The following ST8SIA1 variants were observed in gnomAD, a reference collection of about 807,000 sequenced individuals.
The protein encoded by ST8SIA1 is alpha-N-acetylneuraminide alpha-2,8-sialyltransferase.
Under a neutral mutation model 35.9 loss-of-function variants are expected in ST8SIA1, and 16 were observed. The ratio of observed to expected loss-of-function variants is 0.45; its 90% CI spans 0.30 to 0.68. The LOEUF (loss-of-function observed/expected upper bound fraction) is 0.68, where lower values mean the gene tolerates loss of function less well. Among genes scored for constraint, ST8SIA1 ranks in the 30% least tolerant of loss-of-function variants. The pLI is 0.09. For missense variants in ST8SIA1, 383 were observed against 453.6 expected (o/e 0.84, Z 1.41); for synonymous variants, 170 against 169.6 (o/e 1.00, Z -0.02).
chr12:22,306,711 C>T (rs1866387829), intron 1 of ST8SIA1, among the ~76,000 whole-genome samples: 2 of 152,098 alleles, frequency 1.3e-5, no homozygotes, highest in Non-Finnish European at 2.9e-5. Flanking sequence ...TTGTGCTGGA[C>T]ACTTGGTGTT....
Position 22,289,638 on chromosome 12 carries a change from G to A in ST8SIA1, c.237-2345C>T, listed in dbSNP as rs148420409. Among the ~76,000 whole-genome samples the A allele has an allele frequency of 2.1e-3, 312 of 152,190 alleles. 2 individuals are homozygous for A. The highest frequency in any genetic ancestry group is 0.012 in the South Asian group (56 of 4,816). ...GGTCACGTAACTAGGGAAACGGTGG[G>A]GCAGGGCTTTGCTTCCAGGTCTTTG... On this transcript the variant is annotated intron_variant, in intron 1 of 4. Transcript: ENST00000396037.
chr12:22,219,569 G>A lies in ST8SIA1; in HGVS notation c.585-17531C>T, dbSNP rs572938576. 5.3e-5 allele frequency among the ~76,000 whole-genome samples: 8 copies of A among 152,212 alleles called. No homozygotes were observed. In the South Asian group the frequency reaches 8.3e-4, roughly 16 times the overall value. ...CACCTTGCCTTTGGTTAGGTGACCC[G>A]GCAGGTTGATTGTTGTCTACCACAA... is the stretch of plus-strand genomic sequence containing the variant. On this transcript the variant is annotated intron_variant, in intron 4 of 4. Coordinates refer to ENST00000396037, the MANE Select transcript of ST8SIA1 (RefSeq NM_003034.4).
At chr12:22,271,995 G>A (rs907260334) in intron 2 of ST8SIA1, among the ~76,000 whole-genome samples, 1 of 151,984 alleles carries the variant, frequency 6.6e-6, no homozygotes, top group African/African-American at 2.4e-5. Context: ...TTTCCCCAAA[G>A]GTTTCCTGGC....
Position 22,286,446 on chromosome 12 carries a change from TG to T in ST8SIA1, c.381+702del. 3.9e-6 allele frequency: 2 copies of T among 518,970 alleles called. 1 individual carries two copies. The highest frequency in any genetic ancestry group is 2.8e-5 in the South Asian group (2 of 71,580). 32.1% of individuals were successfully genotyped at this position (518,970 alleles called of 1,614,324 possible). On this transcript the variant is annotated intron_variant, in intron 2 of 4. Transcript: ENST00000396037. ...AACCAAGGGTGGCTAAAAGATGTCT[TG>T]GGGAGGCCATGATTCATTTCTGAAT...
At chr12:22,207,758 G>C (rs1865129345) in intron 4 of ST8SIA1, among the ~76,000 whole-genome samples, 1 of 151,952 alleles carries the variant, frequency 6.6e-6, no homozygotes, top group Non-Finnish European at 1.5e-5. Context: ...AAAATATATA[G>C]CATAAACCAA....
intron 4 of ST8SIA1, among the ~76,000 whole-genome samples, chr12:22,212,856 G>A (rs562252410): frequency 1.1e-3 from 160 of 152,288 alleles, no homozygotes; most frequent in Middle Eastern, 3.4e-3. Flanking sequence ...ACCAGCCATT[G>A]TTCCCTAGAT....
intron 1 of ST8SIA1, among the ~76,000 whole-genome samples, chr12:22,295,552 G>A (rs1021662616): frequency 2.0e-5 from 3 of 151,936 alleles, no homozygotes; most frequent in Admixed American, 6.6e-5. Context: ...GGGCAACATG[G>A]TGAAACCCTG....
chr12:22,215,820 A>G (rs756729951), intron 4 of ST8SIA1, among the ~76,000 whole-genome samples: 9 of 152,180 alleles, frequency 5.9e-5, no homozygotes, highest in Admixed American at 2.0e-4. Context: ...TTACAGTGTT[A>G]CAGGCTGAGC....
At chr12:22,236,094 G>A (rs1338355300) in intron 4 of ST8SIA1, among the ~76,000 whole-genome samples, 1 of 152,106 alleles carries the variant, frequency 6.6e-6, no homozygotes, top group Non-Finnish European at 1.5e-5. Flanking sequence ...TAGCCAACAT[G>A]CCTAAGTTTC....
At chr12:22,250,962 C>T (rs1282673668) in intron 3 of ST8SIA1, among the ~76,000 whole-genome samples, 2 of 152,098 alleles carry the variant, frequency 1.3e-5, no homozygotes, top group African/African-American at 2.4e-5. Context: ...TTGAAGTATC[C>T]ACAGTCAAGT....
At chr12:22,268,484 T>C (rs1565582438) in intron 2 of ST8SIA1, 1 of 152,178 alleles carries the variant, frequency 6.6e-6, no homozygotes, top group Non-Finnish European at 1.5e-5. Context: ...GTGGGTAATT[T>C]ATAAAGAAAG....
chr12:22,282,862 G>A (rs995825397), intron 2 of ST8SIA1, among the ~76,000 whole-genome samples: 10 of 151,902 alleles, frequency 6.6e-5, no homozygotes, highest in African/African-American at 2.4e-4. Context: ...ATATGAATAA[G>A]TGGAAAAAAC....
intron 1 of ST8SIA1, among the ~76,000 whole-genome samples, chr12:22,308,834 A>G (rs1281576815): frequency 6.6e-6 from 1 of 152,056 alleles, no homozygotes; most frequent in Non-Finnish European, 1.5e-5. Context: ...CACATCCTAC[A>G]TATCATCAAC....
chr12:22,321,027 AAAGAAAGAGAAAGAG>A (rs1565596087), intron 1 of ST8SIA1, among the ~76,000 whole-genome samples: 1,407 of 91,768 alleles, frequency 0.015, 18 homozygotes, highest in African/African-American at 0.029. Context: ...AGAAAGAAAG[AAAGAAAGAGAAAGAG>A]AAAGAAAAGA....
Position 22,198,425 on chromosome 12 carries a change from A to G in ST8SIA1, c.*3127T>C, listed in dbSNP as rs189173897. 1.3e-5 allele frequency: 2 copies of G among 152,086 alleles called. No individual in the cohort carries two copies. Among genetic ancestry groups the G allele is most frequent in the African/African-American group, 4.8e-5 (2 of 41,502 alleles). The allele number at this position is 152,086 out of a possible 1,614,324, so 9.4% of individuals were successfully genotyped here. ...GGAGCTTAGAATTGAAGATCTTAAT[A>G]ATAGAGTATTCCAGAGCACTCTACA... On this transcript the variant is annotated 3_prime_UTR_variant, in exon 5 of 5. Transcript: ENST00000396037.
intron 4 of ST8SIA1, among the ~76,000 whole-genome samples, chr12:22,224,130 A>G (rs1865330362): frequency 6.6e-6 from 1 of 152,158 alleles, no homozygotes; most frequent in Non-Finnish European, 1.5e-5. Context: ...TGTTAAAAAT[A>G]GATAATTTGC....
chr12:22,285,863 G>A lies in ST8SIA1; in HGVS notation c.381+1286C>T, dbSNP rs1450618328. 9.0e-5 allele frequency among the ~76,000 whole-genome samples: 6 copies of A among 66,672 alleles called. No individual in the cohort carries two copies. The East Asian group carries it at 2.4e-3, about 27-fold the overall frequency. The allele number at this position is 66,672 out of a possible 152,430, so 43.7% of individuals were successfully genotyped here. A position where few individuals can be genotyped will look rare whatever the true frequency, so the allele number is the denominator to read the frequency against. ...CAAGCCCAGGCAACAGAGTAAGTAA[G>A]ACTCTGTCAAAAACAAAAAAAAAAA... is the stretch of plus-strand genomic sequence containing the variant. On this transcript the variant is annotated intron_variant, in intron 2 of 4. Coordinates refer to ENST00000396037, the MANE Select transcript of ST8SIA1 (RefSeq NM_003034.4).
chr12:22,220,391 G>T (rs1865283671), intron 4 of ST8SIA1, among the ~76,000 whole-genome samples: 1 of 152,150 alleles, frequency 6.6e-6, no homozygotes, highest in African/African-American at 2.4e-5. Flanking sequence ...AATGCATATT[G>T]AATAAGAGAG....
chr12:22,272,235 C>A (rs12816677), intron 2 of ST8SIA1, among the ~76,000 whole-genome samples: 23,480 of 152,136 alleles, frequency 0.15, 1,870 homozygotes, highest in Middle Eastern at 0.24. Context: ...TTGCAGAGAG[C>A]ACTTTGCTAC....
Sources: allele counts gnomAD v4.1 joint callset (sites outside exome capture counted in the v4.1 genomes callset), GRCh38; gene constraint gnomAD v4.1.1; transcripts MANE v1.5; gene names NCBI Gene and HGNC (gene_info 2026-07-23, HGNC 2026-07-21).